CEBPZ: variants seen among roughly 807,000 people sequenced by gnomAD.
CEBPZ encodes the protein CCAAT/enhancer-binding protein zeta.
In CEBPZ, 78 loss-of-function variants were observed where a neutral mutation model predicts 104.5. The ratio of observed to expected loss-of-function variants is 0.75; its 90% CI spans 0.62 to 0.90. The LOEUF (loss-of-function observed/expected upper bound fraction) is 0.90, where lower values mean the gene tolerates loss of function less well. Among genes scored for constraint, CEBPZ ranks in the 40% least tolerant of loss-of-function variants. The probability of loss-of-function intolerance (pLI) is 0.00; values close to 1 mark genes in which losing one functional copy is unlikely to be tolerated. For synonymous variants in CEBPZ, 470 were observed against 427.0 expected (o/e 1.10, Z -1.24); for missense variants, 1,439 against 1,233.5 (o/e 1.17, Z -2.50).
chr2:37,221,483 T>A (rs1282487477), intron 4 of CEBPZ, among the ~76,000 whole-genome samples: 2 of 152,212 alleles, frequency 1.3e-5, no homozygotes, highest in African/African-American at 4.8e-5. Flanking sequence ...GCTTCAAATA[T>A]TTGTCATGAA....
rs74943546 is a variant in CEBPZ, at chr2:37,206,287, T to G, written c.2885-3279A>C. Among the ~76,000 whole-genome samples, 444 of 152,304 alleles carry G rather than the reference T, an allele frequency of 2.9e-3. 1 individual carries two copies. The highest frequency in any genetic ancestry group is 9.5e-3 in the African/African-American group (394 of 41,580). ...CTAAGCTTCCTAAATGAAGGAGAGA[T>G]ATCTATGCTGAGAATTCACCACTAC... is the stretch of plus-strand genomic sequence containing the variant. On this transcript the variant is annotated intron_variant, in intron 13 of 15. Transcript: ENST00000234170.
Position 37,228,693 on chromosome 2 carries a change from A to C in CEBPZ, c.500T>G (p.Phe167Cys). Reference protein sequence around the residue: ...PKVKKDKQNIFEFFERQTLLL... With the variant: ...PKVKKDKQNICEFFERQTLLL... ...CAAAGTCTGTCTCTCAAAAAATTCA[A>C]AGATGTTCTGTTTATCTTTCTTTAC... The change falls in exon 2 of 16, where the codon TTT (phenylalanine) becomes TGT (cysteine). Residue 167 changes from phenylalanine to cysteine, a missense_variant. Phe to Cys is a radical substitution (Grantham distance 205). Transcript: ENST00000234170. The C allele has an allele frequency of 6.2e-7, 1 of 1,614,166 alleles. No homozygotes were observed. Among genetic ancestry groups the C allele is most frequent in the Non-Finnish European group, 8.5e-7 (1 of 1,180,024 alleles).
intron 13 of CEBPZ, among the ~76,000 whole-genome samples, chr2:37,206,076 T>C (rs1677529346): frequency 6.6e-6 from 1 of 152,142 alleles, no homozygotes; most frequent in Admixed American, 6.5e-5. Context: ...CATTCAAATG[T>C]GAGTGGGCAC....
chr2:37,228,701 C>A lies in CEBPZ; in HGVS notation c.492G>T (p.Gln164His). 6.2e-7 allele frequency: 1 copy of A among 1,614,174 alleles called. No individual in the cohort carries two copies. The highest frequency in any genetic ancestry group is 1.3e-5 in the African/African-American group (1 of 75,060). The change falls in exon 2 of 16, where the codon CAG becomes CAT. Residue 164 changes from glutamine (Q) to histidine (H), a missense_variant. By Grantham distance (24) the Gln-to-His change is conservative (BLOSUM62 0). Transcript: ENST00000234170. Reference sequence around the variant, plus strand: ...GTCTCTCAAAAAATTCAAAGATGTTCTGTTTATCTTTCTTTACTTTCGGTG... The same window carrying A: ...GTCTCTCAAAAAATTCAAAGATGTTATGTTTATCTTTCTTTACTTTCGGTG... ...STTPKVKKDK[Q>H]NIFEFFERQT...
chr2:37,226,758 A>G (rs1045355060), intron 2 of CEBPZ, among the ~76,000 whole-genome samples: 5 of 152,236 alleles, frequency 3.3e-5, no homozygotes, highest in Non-Finnish European at 5.9e-5. Context: ...ATAAAAATGA[A>G]TCAGAAGGAA....
intron 2 of CEBPZ, among the ~76,000 whole-genome samples, chr2:37,224,312 C>A (rs145891187): frequency 6.6e-6 from 1 of 152,172 alleles, no homozygotes; most frequent in Non-Finnish European, 1.5e-5. Context: ...TGTCCCCAAC[C>A]GGTCTAGACC....
chr2:37,214,183 T>G (rs1356861096), intron 9 of CEBPZ, among the ~76,000 whole-genome samples: 1 of 152,180 alleles, frequency 6.6e-6, no homozygotes, highest in African/African-American at 2.4e-5. Context: ...AAGATAATAT[T>G]TTATCAGCCC....
rs745693092 is a variant in CEBPZ at position 37,228,494 on chromosome 2, G to T, written c.699C>A (p.Thr233=). 1.2e-6 allele frequency: 2 copies of T among 1,614,054 alleles called. No homozygotes were observed. Among genetic ancestry groups the T allele is most frequent in the Admixed American group, 3.3e-5 (2 of 60,004 alleles). ...KTNSQKGASS[T]WMKAIVSSGT... ...CCGATGACACAATTGCCTTCATCCAGGTAGAAGAGGCTCCCTTTTGACTAT... is the reference window on the plus strand; with the variant it reads ...CCGATGACACAATTGCCTTCATCCATGTAGAAGAGGCTCCCTTTTGACTAT... Residue 233 remains threonine, a synonymous_variant, in exon 2 of 16, where the codon ACC becomes ACA. Transcript: ENST00000234170.
In CEBPZ at chr2:37,210,677, G is replaced by C. The variant is rs747986380; in HGVS notation, c.2884+322C>G. On this transcript the variant is annotated intron_variant, in intron 13 of 15. Transcript: ENST00000234170. ...ACACATTGGGTGCAGTGTACTGCTT[G>C]AGTGATGGGTGCACCAAAATCTCAG... 13 of 234,058 alleles carry C rather than the reference G, an allele frequency of 5.6e-5. No individual in the cohort carries two copies. In the South Asian group the frequency reaches 7.8e-4, roughly 14 times the overall value. 14.5% of individuals were successfully genotyped at this position (234,058 alleles called of 1,614,324 possible). A position where few individuals can be genotyped will look rare whatever the true frequency, so the allele number is the denominator to read the frequency against.
intron 13 of CEBPZ, among the ~76,000 whole-genome samples, chr2:37,208,167 CAACAA>C (rs2148342762): frequency 6.6e-6 from 1 of 152,132 alleles, no homozygotes; most frequent in South Asian, 2.1e-4. Context: ...AAAAAACTGC[CAACAA>C]AACAAAGTCC....
At position 37,222,386 on chromosome 2, in the gene CEBPZ, A is replaced by T. The variant is rs184657008; in HGVS notation, c.2059T>A (p.Leu687Met). 3.7e-4 allele frequency: 584 copies of T among 1,576,828 alleles called. 2 individuals carry two copies. Among genetic ancestry groups the T allele is most frequent in the Non-Finnish European group, 1.2e-4 (137 of 1,168,510 alleles). Residue 687 changes from leucine to methionine, a missense_variant, in exon 4 of 16, where the codon TTG becomes ATG. By Grantham distance (15) the Leu-to-Met change is conservative. Coordinates refer to ENST00000234170, the MANE Select transcript of CEBPZ (RefSeq NM_005760.3). ...AAAGATGAAAAAAACTCACCTTTCAAATTATCAAAGTGCACCCAGGAAGCA... is the reference window on the plus strand; with the variant it reads ...AAAGATGAAAAAAACTCACCTTTCATATTATCAAAGTGCACCCAGGAAGCA... ...EVASWVHFDN[L>M]KGGKQLNKYD... is the part of the protein sequence containing the mutation.
chr2:37,214,931 G>C lies in CEBPZ; in HGVS notation c.2402C>G (p.Ala801Gly), dbSNP rs566694344. ...CACTGGTATTTGGCTTTCTTCTTTT[G>C]CAAGGAACTCCTTACTGTTCACTAC... Reference protein sequence around the residue: ...HLPVNSKEFLAKEESQIPVDE... With the variant: ...HLPVNSKEFLGKEESQIPVDE... The change falls in exon 9 of 16, where the codon GCA (alanine) becomes GGA (glycine). Residue 801 changes from alanine (A) to glycine (G), a missense_variant. Coordinates refer to ENST00000234170, the MANE Select transcript of CEBPZ (RefSeq NM_005760.3). The C allele has an allele frequency of 4.4e-6, 7 of 1,608,346 alleles. No homozygotes were observed. The highest frequency in any genetic ancestry group is 1.7e-4 in the Middle Eastern group (1 of 6,040).
In CEBPZ at chr2:37,201,868, C is replaced by G; in HGVS notation, c.3061G>C (p.Asp1021His). 1 of 1,613,748 alleles carries G rather than the reference C, an allele frequency of 6.2e-7. No homozygotes were observed. The change falls in exon 16 of 16, where the codon GAC (aspartate) becomes CAC (histidine). Residue 1021 changes from aspartate (D) to histidine (H), a missense_variant. Coordinates refer to ENST00000234170, the MANE Select transcript of CEBPZ (RefSeq NM_005760.3). ...TTTGCATCTCTGTTGTGTAGCCAGTCATCACGTTCAGCCTCCCATCTAAGC... is the reference window on the plus strand; with the variant it reads ...TTTGCATCTCTGTTGTGTAGCCAGTGATCACGTTCAGCCTCCCATCTAAGC... ...KQLRWEAERD[D>H]WLHNRDAKSI...
chr2:37,223,509 G>A (rs1016422237), intron 2 of CEBPZ, 108 bp from the exon 3 acceptor site: 1 of 927,680 alleles, frequency 1.1e-6, no homozygotes, highest in African/African-American at 1.7e-5. Flanking sequence ...GGATAACTTT[G>A]CTGCTTATTT....
intron 13 of CEBPZ, among the ~76,000 whole-genome samples, chr2:37,206,673 GA>G (rs1677550409): frequency 6.6e-6 from 1 of 152,064 alleles, no homozygotes; most frequent in South Asian, 2.1e-4. Flanking sequence ...TCTAAATCTT[GA>G]AACAAAACCT....
At chr2:37,218,541 A>G (rs1664691992) in intron 5 of CEBPZ, among the ~76,000 whole-genome samples, 1 of 152,328 alleles carries the variant, frequency 6.6e-6, no homozygotes, top group East Asian at 1.9e-4. Context: ...CCCATATTCA[A>G]TTGGCTTTTG....
At chr2:37,216,494 A>T in intron 6 of CEBPZ, 76 bp from the exon 7 acceptor site, 1 of 1,076,158 alleles carries the variant, frequency 9.3e-7, no homozygotes, top group Non-Finnish European at 1.4e-6. Flanking sequence ...AGGAAGAAAA[A>T]GATAATTTCT....
chr2:37,230,323 G>T (rs1490068929), intron 1 of CEBPZ, among the ~76,000 whole-genome samples: 1 of 152,158 alleles, frequency 6.6e-6, no homozygotes, highest in African/African-American at 2.4e-5. Flanking sequence ...GCTTGAAAAG[G>T]TATATAGTAT....
At position 37,229,038 on chromosome 2, in the gene CEBPZ, T is replaced by G; in HGVS notation, c.157-2A>C. On this transcript the variant is annotated splice_acceptor_variant, in intron 1 of 15. Coordinates refer to ENST00000234170, the MANE Select transcript of CEBPZ (RefSeq NM_005760.3). LOFTEE classifies it high-confidence loss of function. ...AGTAGCCAGCATAAGGTAATCTTGC[T>G]GCATTAAAAACATAAGTTAAAAATA... The G allele has an allele frequency of 6.6e-7, 1 of 1,508,788 alleles. No homozygotes were observed. The highest frequency in any genetic ancestry group is 8.8e-7 in the Non-Finnish European group (1 of 1,131,602). 93.5% of individuals were successfully genotyped at this position (1,508,788 alleles called of 1,614,324 possible).
Sources: gnomAD v4.1 joint callset for allele counts (sites outside exome capture counted in the v4.1 genomes callset) on GRCh38, gnomAD v4.1.1 for gene constraint, MANE v1.5 for transcripts, NCBI Gene and HGNC (gene_info 2026-07-23, HGNC 2026-07-21) for gene names.